PRKCE: variants seen among roughly 807,000 people sequenced by gnomAD.
The protein encoded by PRKCE is protein kinase C epsilon type.
Under a neutral mutation model 85.4 loss-of-function variants are expected in PRKCE, and 16 were observed. That is an observed-to-expected ratio of 0.19 (90% confidence interval 0.13 to 0.28). PRKCE has a LOEUF of 0.28. Ranked by LOEUF, PRKCE falls within the 10% of genes least tolerant of loss-of-function variation. The probability of loss-of-function intolerance (pLI) is 1.00; values close to 1 mark genes in which losing one functional copy is unlikely to be tolerated. For synonymous variants in PRKCE, 388 were observed against 371.5 expected, an observed-to-expected ratio of 1.04 and a Z score of -0.51; for missense variants, 573 against 975.2, an observed-to-expected ratio of 0.59 and a Z score of 5.49.
intron 2 of PRKCE, among the ~76,000 whole-genome samples, chr2:45,966,702 C>A (rs1434573920): frequency 6.6e-6 from 1 of 152,256 alleles, no homozygotes; most frequent in Admixed American, 6.5e-5. Context: ...CCTTGCCCAG[C>A]CCAGTCTTTC....
intron 1 of PRKCE, among the ~76,000 whole-genome samples, chr2:45,679,499 A>T (rs937544347): frequency 5.9e-5 from 9 of 152,192 alleles, no homozygotes; most frequent in Non-Finnish European, 1.3e-4. Context: ...TTAAAATCTA[A>T]GTCTGTTTAT....
chr2:45,970,913 C>A (rs1296586274), intron 2 of PRKCE, among the ~76,000 whole-genome samples: 1 of 150,222 alleles, frequency 6.7e-6, no homozygotes, highest in Non-Finnish European at 1.5e-5. Context: ...ATTATACATA[C>A]TATATATACA....
intron 1 of PRKCE, among the ~76,000 whole-genome samples, chr2:45,661,509 TTGTTTTG>T (rs1302957311): frequency 2.1e-5 from 3 of 143,218 alleles, no homozygotes; most frequent in African/African-American, 8.1e-5. Context: ...TTTTTTTGTT[TTGTTTTG>T]TTTTTTGTTT....
rs1232118356 is a variant in PRKCE at position 45,828,878 on chromosome 2, C to A, written c.349-14122C>A. Among the ~76,000 whole-genome samples the A allele has an allele frequency of 5.9e-5, 9 of 151,950 alleles. No homozygotes were observed. In the East Asian group the frequency reaches 1.7e-3, roughly 29 times the overall value. On this transcript the variant is annotated intron_variant, in intron 1 of 14. Transcript: ENST00000306156. ...AATTATTCCACTATTCCACAAACAC[C>A]TTTTTCTTTAGCATATGTACCTACC...
At chr2:45,881,301 G>T (rs62127252) in intron 2 of PRKCE, among the ~76,000 whole-genome samples, 47,199 of 152,066 alleles carry the variant, frequency 0.31, 8,288 homozygotes, top group East Asian at 0.55. Context: ...AGAACATGCT[G>T]TGTCTAATTT....
At chr2:45,989,760 G>T (rs1274325461) in intron 6 of PRKCE, among the ~76,000 whole-genome samples, 2 of 151,892 alleles carry the variant, frequency 1.3e-5, no homozygotes, top group Non-Finnish European at 2.9e-5. Flanking sequence ...TAACAGCTAG[G>T]TCCCTTGTCG....
At chr2:45,874,668 T>C (rs1694338420) in intron 2 of PRKCE, among the ~76,000 whole-genome samples, 1 of 152,200 alleles carries the variant, frequency 6.6e-6, no homozygotes, top group African/African-American at 2.4e-5. Flanking sequence ...CAGTGCCATC[T>C]TCATCCTAGC....
At chr2:46,014,748 G>A (rs933482575) in intron 10 of PRKCE, among the ~76,000 whole-genome samples, 5 of 152,210 alleles carry the variant, frequency 3.3e-5, no homozygotes, top group South Asian at 2.1e-4. Context: ...TAGAGAGATA[G>A]ACATGCAAGG....
At chr2:45,880,291 A>G (rs1345437643) in intron 2 of PRKCE, among the ~76,000 whole-genome samples, 1 of 152,208 alleles carries the variant, frequency 6.6e-6, no homozygotes, top group Non-Finnish European at 1.5e-5. Context: ...GGTTGATTCC[A>G]TATCTTGGCC....
chr2:45,857,025 T>A lies in PRKCE; in HGVS notation c.412+13962T>A, dbSNP rs139245054. 2.1e-3 allele frequency among the ~76,000 whole-genome samples: 320 copies of A among 152,358 alleles called. 2 individuals carry two copies. Among genetic ancestry groups the A allele is most frequent in the African/African-American group, 7.4e-3 (306 of 41,582 alleles). ...GCTGCAGTAAATGTGAGTGTGCAGATGTCTCTTTGACATTTGATTTCATTT... is the reference window on the plus strand; with the variant it reads ...GCTGCAGTAAATGTGAGTGTGCAGAAGTCTCTTTGACATTTGATTTCATTT... On this transcript the variant is annotated intron_variant, in intron 2 of 14. Coordinates refer to ENST00000306156, the MANE Select transcript of PRKCE (RefSeq NM_005400.3).
chr2:45,662,311 C>T (rs767876733), intron 1 of PRKCE, among the ~76,000 whole-genome samples: 11 of 152,114 alleles, frequency 7.2e-5, no homozygotes, highest in Admixed American at 1.3e-4. Context: ...CTAGGAGACA[C>T]GACATTAATC....
intron 14 of PRKCE, among the ~76,000 whole-genome samples, chr2:46,182,478 C>T (rs952380805): frequency 3.9e-5 from 6 of 152,144 alleles, no homozygotes; most frequent in Non-Finnish European, 8.8e-5. Flanking sequence ...CCAAACCACC[C>T]GGCTTTCCCA....
chr2:45,810,077 G>C lies in PRKCE; in HGVS notation c.349-32923G>C, dbSNP rs572254636. 1.7e-3 allele frequency among the ~76,000 whole-genome samples: 258 copies of C among 151,926 alleles called. 3 individuals carry two copies. The highest frequency in any genetic ancestry group is 5.7e-3 in the African/African-American group (236 of 41,466). ...TTTTTTGAGATGAAGTCTCGCTCTT[G>C]TCCCCCAGGCTGGAGTGCAATGGTG... On this transcript the variant is annotated intron_variant, in intron 1 of 14. Transcript: ENST00000306156.
At chr2:45,779,471 G>A (rs1379114275) in intron 1 of PRKCE, among the ~76,000 whole-genome samples, 1 of 152,110 alleles carries the variant, frequency 6.6e-6, no homozygotes. Flanking sequence ...AGGGGTCTGG[G>A]ATACAGAGCC....
chr2:45,922,673 A>G (rs1698338565), intron 2 of PRKCE, among the ~76,000 whole-genome samples: 1 of 152,170 alleles, frequency 6.6e-6, no homozygotes, highest in Admixed American at 6.5e-5. Flanking sequence ...AGCTGCACTT[A>G]CCATGAGGCA....
chr2:45,703,114 CTGTTT>C (rs1042220033), intron 1 of PRKCE, among the ~76,000 whole-genome samples: 7 of 87,810 alleles, frequency 8.0e-5, no homozygotes, highest in African/African-American at 3.5e-4. Context: ...TCCTCAGCTT[CTGTTT>C]TATTTATTTT....
intron 11 of PRKCE, among the ~76,000 whole-genome samples, chr2:46,090,078 G>A (rs1313102217): frequency 6.6e-6 from 1 of 152,178 alleles, no homozygotes; most frequent in Non-Finnish European, 1.5e-5. Context: ...ATGGTCATGA[G>A]TAGGTGATTG....
intron 3 of PRKCE, chr2:45,978,453 T>C (rs1289880498): frequency 6.5e-6 from 1 of 153,534 alleles, no homozygotes; most frequent in African/African-American, 2.4e-5. Flanking sequence ...CCTCTAATGT[T>C]GGCCTTCACC....
chr2:46,161,312 G>C (rs1382696849), intron 14 of PRKCE, among the ~76,000 whole-genome samples: 1 of 152,232 alleles, frequency 6.6e-6, no homozygotes, highest in African/African-American at 2.4e-5. Context: ...GAAACTAAAG[G>C]CTCAGATGGT....
Sources: allele counts gnomAD v4.1 joint callset (sites outside exome capture counted in the v4.1 genomes callset), GRCh38; gene constraint gnomAD v4.1.1; transcripts MANE v1.5; gene names NCBI Gene and HGNC (gene_info 2026-07-23, HGNC 2026-07-21).